The following LYST variants were observed in gnomAD, a reference collection of about 807,000 sequenced individuals.
The protein encoded by LYST is lysosomal-trafficking regulator.
Under a neutral mutation model 413.6 loss-of-function variants are expected in LYST, and 192 were observed. The ratio of observed to expected loss-of-function variants is 0.46; its 90% CI spans 0.41 to 0.52. The LOEUF (loss-of-function observed/expected upper bound fraction) is 0.52. Ranked by LOEUF, LYST falls within the 20% of genes least tolerant of loss-of-function variation. The pLI is 0.00. For missense variants in LYST, 3,815 were observed against 4,499.9 expected (o/e 0.85, Z 4.35); for synonymous variants, 1,525 against 1,567.3 (o/e 0.97, Z 0.64).
At chr1:235,684,669 G>A (rs1316761885) in intron 48 of LYST, among the ~76,000 whole-genome samples, 1 of 152,138 alleles carries the variant, frequency 6.6e-6, no homozygotes, top group Non-Finnish European at 1.5e-5. Flanking sequence ...AGGCTGGAGT[G>A]CAGTGGTGTG....
At position 235,724,197 on chromosome 1, in the gene LYST, G is replaced by C. The variant is rs377275771; in HGVS notation, c.9163-17C>G. 19 of 1,600,306 alleles carry C rather than the reference G, an allele frequency of 1.2e-5. No individual in the cohort carries two copies. The highest frequency in any genetic ancestry group is 1.7e-5 in the Admixed American group (1 of 59,564). ...CTGAAGGCTCTAAGACAAAGAAATA[G>C]GCAAAAATATTTGTTTTACCGGAAA... On this transcript the variant is annotated splice_polypyrimidine_tract_variant and intron_variant, in intron 38 of 52. Coordinates refer to ENST00000389793, the MANE Select transcript of LYST (RefSeq NM_000081.4).
chr1:235,798,201 G>C (rs1671768123), intron 10 of LYST, among the ~76,000 whole-genome samples: 1 of 152,048 alleles, frequency 6.6e-6, no homozygotes, highest in Admixed American at 6.6e-5. Flanking sequence ...TACCTAAGAA[G>C]ACATGACAAC....
intron 32 of LYST, among the ~76,000 whole-genome samples, 153 bp downstream of exon 32, chr1:235,734,330 T>C (rs1664633865): frequency 6.6e-6 from 1 of 151,862 alleles, no homozygotes; most frequent in Non-Finnish European, 1.5e-5. Flanking sequence ...TTTTCTCACA[T>C]AGACAAAAGC....
rs575646910 is a variant in LYST, at chr1:235,768,983, AG to A, written c.5922+1176del. Among the ~76,000 whole-genome samples the A allele has an allele frequency of 9.9e-5, 15 of 152,148 alleles. No individual in the cohort carries two copies. The East Asian group carries it at 2.9e-3, about 29-fold the overall frequency. Reference sequence around the variant, plus strand: ...TTTAACAAATATTTATCAGATGCCCAGGTGTGTCAAGTACTGACATTACAGT... The same window carrying A: ...TTTAACAAATATTTATCAGATGCCCAGTGTGTCAAGTACTGACATTACAGT... On this transcript the variant is annotated intron_variant, in intron 20 of 52. Transcript: ENST00000389793.
chr1:235,865,302 G>A (rs1180192873), intron 1 of LYST, among the ~76,000 whole-genome samples: 1 of 151,828 alleles, frequency 6.6e-6, no homozygotes, highest in Non-Finnish European at 1.5e-5. Flanking sequence ...AACCTCTCCC[G>A]GTTCCCTGCC....
At chr1:235,727,445 T>C (rs1422731075) in intron 38 of LYST, among the ~76,000 whole-genome samples, 7 of 151,952 alleles carry the variant, frequency 4.6e-5, no homozygotes, top group Admixed American at 6.6e-5. Context: ...AAATAAAATA[T>C]ATATTAGTAA....
chr1:235,738,008 G>C, intron 31 of LYST: 1 of 1,500,184 alleles, frequency 6.7e-7, no homozygotes, highest in African/African-American at 1.4e-5. Flanking sequence ...TCAAGTATAC[G>C]CTCAAGGATC....
At chr1:235,738,190 A>C in intron 31 of LYST, 1 of 1,610,202 alleles carries the variant, frequency 6.2e-7, no homozygotes, top group African/African-American at 1.3e-5. Flanking sequence ...GAGATGATGG[A>C]TCTCCACCAT....
rs950559477 is a variant in LYST at position 235,794,255 on chromosome 1, T to C, written c.4007-643A>G. ...GCTTCTATATCATAAAATAGTCTGCTATCTTATCTTGAAAATGTTTAAATT... is the reference window on the plus strand; with the variant it reads ...GCTTCTATATCATAAAATAGTCTGCCATCTTATCTTGAAAATGTTTAAATT... On this transcript the variant is annotated intron_variant, in intron 10 of 52. Coordinates refer to ENST00000389793, the MANE Select transcript of LYST (RefSeq NM_000081.4). 3.3e-5 allele frequency among the ~76,000 whole-genome samples: 5 copies of C among 152,358 alleles called. 1 individual carries two copies. Among genetic ancestry groups the C allele is most frequent in the Admixed American group, 3.3e-4 (5 of 15,300 alleles).
At chr1:235,821,861 A>C (rs1674782186) in intron 3 of LYST, among the ~76,000 whole-genome samples, 1 of 152,200 alleles carries the variant, frequency 6.6e-6, no homozygotes, top group African/African-American at 2.4e-5. Flanking sequence ...GTGGTTATTA[A>C]ATGGCCATAA....
chr1:235,844,558 C>T (rs74148852), intron 1 of LYST, among the ~76,000 whole-genome samples: 9,211 of 152,128 alleles, frequency 0.061, 931 homozygotes, highest in African/African-American at 0.21. Context: ...CTTCTTCTGT[C>T]GATTAGAAAT....
intron 44 of LYST, among the ~76,000 whole-genome samples, chr1:235,704,641 G>A (rs1194970887): frequency 6.6e-6 from 1 of 151,956 alleles, no homozygotes; most frequent in Non-Finnish European, 1.5e-5. Flanking sequence ...CCTTATAGAT[G>A]CTGGATATTA....
At chr1:235,713,209 T>G in intron 42 of LYST, 2 of 985,162 alleles carry the variant, frequency 2.0e-6, no homozygotes, top group Non-Finnish European at 2.4e-6. Flanking sequence ...AACATTTACT[T>G]TTTCTCAGAA....
At chr1:235,690,320 A>G (rs1253058161) in intron 47 of LYST, among the ~76,000 whole-genome samples, 1 of 152,158 alleles carries the variant, frequency 6.6e-6, no homozygotes, top group Admixed American at 6.5e-5. Flanking sequence ...ATAATCCCAA[A>G]AAGGGTGCAG....
At chr1:235,687,183 G>A (rs1413957524) in intron 47 of LYST, 136 bp from the exon 48 acceptor site, 2 of 678,474 alleles carry the variant, frequency 2.9e-6, no homozygotes, top group Admixed American at 2.3e-5. Flanking sequence ...AAAATGTTAG[G>A]TAAACATTTC....
At chr1:235,810,566 C>T (rs745960300) in intron 4 of LYST, 32 bp from the exon 5 acceptor site, 3 of 1,586,534 alleles carry the variant, frequency 1.9e-6, no homozygotes, top group South Asian at 1.1e-5. Context: ...GCTTAGAATA[C>T]CTCAATATGT....
At chr1:235,815,448 GAGA>G (rs1446414481) in intron 3 of LYST, among the ~76,000 whole-genome samples, 1 of 152,178 alleles carries the variant, frequency 6.6e-6, no homozygotes, top group African/African-American at 2.4e-5. Flanking sequence ...CTTAATTGAT[GAGA>G]AGAAGGAATC....
At chr1:235,831,134 T>TC (rs1376327468) in intron 2 of LYST, among the ~76,000 whole-genome samples, 1 of 152,184 alleles carries the variant, frequency 6.6e-6, no homozygotes, top group Non-Finnish European at 1.5e-5. Flanking sequence ...TAAAAGTAAT[T>TC]TTGAGGTATC....
At chr1:235,840,907 T>A (rs1677128126) in intron 1 of LYST, among the ~76,000 whole-genome samples, 1 of 152,204 alleles carries the variant, frequency 6.6e-6, no homozygotes, top group Admixed American at 6.5e-5. Flanking sequence ...GATGGAGAAG[T>A]GAGTGGTAAG....
Sources: allele counts gnomAD v4.1 joint callset (sites outside exome capture counted in the v4.1 genomes callset), GRCh38; gene constraint gnomAD v4.1.1; transcripts MANE v1.5; gene names NCBI Gene and HGNC (gene_info 2026-07-23, HGNC 2026-07-21).